PRR5: variants seen among roughly 807,000 people sequenced by gnomAD.
The protein encoded by PRR5 is proline rich 5, also known as proline-rich protein 5.
In PRR5, 25 loss-of-function variants were observed where a neutral mutation model predicts 30.6. That is an observed-to-expected ratio of 0.82 (90% CI 0.60 to 1.14). PRR5 has a LOEUF of 1.14. Ranked by LOEUF, PRR5 falls within the 50% of genes most tolerant of loss-of-function variation. The pLI is 0.00. For synonymous variants in PRR5, 286 were observed against 247.1 expected, an observed-to-expected ratio of 1.16 and a Z score of -1.48; for missense variants, 600 against 547.1, an observed-to-expected ratio of 1.10 and a Z score of -0.96.
chr22:44,674,989 C>T (rs1355443425), upstream of PRR5, among the ~76,000 whole-genome samples: 1 of 144,694 alleles, frequency 6.9e-6, no homozygotes, highest in African/African-American at 2.6e-5. Flanking sequence ...TGGCTCACGC[C>T]TGTAATCCCA....
chr22:44,692,236 C>A (rs896728254), intron 1 of PRR5, among the ~76,000 whole-genome samples: 3 of 141,604 alleles, frequency 2.1e-5, no homozygotes, highest in African/African-American at 7.9e-5. Context: ...CCACCTGGCG[C>A]TCCTCCACCC....
intron 2 of PRR5, among the ~76,000 whole-genome samples, chr22:44,724,868 G>A (rs1042024882): frequency 1.3e-5 from 2 of 152,234 alleles, no homozygotes; most frequent in African/African-American, 4.8e-5. Flanking sequence ...GGAGCCCGTG[G>A]CATCCGGGAT....
At chr22:44,685,977 C>T (rs75308572) in intron 1 of PRR5, among the ~76,000 whole-genome samples, 1,890 of 152,278 alleles carry the variant, frequency 0.012, 39 homozygotes, top group African/African-American at 0.043. Context: ...TATTGGGGCC[C>T]GGCATGGTGG....
chr22:44,668,821 G>C (rs1923238047), intron 1 of PRR5: 2 of 149,176 alleles, frequency 1.3e-5, no homozygotes, highest in Non-Finnish European at 1.5e-5. Flanking sequence ...CGGCGGCTAC[G>C]GGTCCGGAGG....
At chr22:44,725,956 C>T (rs978630890) in intron 3 of PRR5, among the ~76,000 whole-genome samples, 5 of 152,370 alleles carry the variant, frequency 3.3e-5, no homozygotes, top group African/African-American at 9.6e-5. Flanking sequence ...TGAGCCACCG[C>T]GCCCGACCAA....
intron 4 of PRR5, chr22:44,730,846 T>C: frequency 2.2e-6 from 1 of 444,844 alleles, no homozygotes; most frequent in East Asian, 8.8e-5. Flanking sequence ...CACCCTTTCC[T>C]CGGAGGCTCA....
At chr22:44,688,832 A>AC in intron 1 of PRR5, among the ~76,000 whole-genome samples, 1 of 152,242 alleles carries the variant, frequency 6.6e-6, no homozygotes. Flanking sequence ...TCCTAAAAAT[A>AC]CAAAAATTAG....
At chr22:44,686,230 G>A (rs921665419) in intron 1 of PRR5, among the ~76,000 whole-genome samples, 11 of 151,554 alleles carry the variant, frequency 7.3e-5, no homozygotes, top group Admixed American at 1.3e-4. Flanking sequence ...CAGCCTGGGC[G>A]ACAGAGTGAG....
chr22:44,670,254 C>T (rs1177314085), intron 1 of PRR5, among the ~76,000 whole-genome samples: 1 of 152,198 alleles, frequency 6.6e-6, no homozygotes, highest in Non-Finnish European at 1.5e-5. Context: ...GCCCAAGTCC[C>T]CCAGCAGTCA....
intron 1 of PRR5, among the ~76,000 whole-genome samples, chr22:44,683,888 G>T (rs895613551): frequency 1.3e-5 from 2 of 152,258 alleles, no homozygotes; most frequent in Non-Finnish European, 2.9e-5. Flanking sequence ...TGTCATCCTT[G>T]ATAGGGTTCA....
At chr22:44,722,735 C>T (rs1224546036) in intron 2 of PRR5, among the ~76,000 whole-genome samples, 1 of 152,202 alleles carries the variant, frequency 6.6e-6, no homozygotes, top group African/African-American at 2.4e-5. Flanking sequence ...AGAGAGCTGA[C>T]CGGAGCAGGA....
chr22:44,683,760 C>T (rs1432473725), intron 1 of PRR5, among the ~76,000 whole-genome samples: 1 of 152,230 alleles, frequency 6.6e-6, no homozygotes, highest in Non-Finnish European at 1.5e-5. Context: ...CTCTCCTCCC[C>T]ATGGCTCATT....
chr22:44,727,744 C>T (rs1228036752), intron 4 of PRR5, among the ~76,000 whole-genome samples: 1 of 152,208 alleles, frequency 6.6e-6, no homozygotes, highest in African/African-American at 2.4e-5. Flanking sequence ...GACACAGGCC[C>T]GGAGGCCTGG....
In PRR5 at chr22:44,728,111, CCA is replaced by C. The variant is rs1197692650; in HGVS notation, c.322+1478_322+1479del. On this transcript the variant is annotated intron_variant, in intron 4 of 7. Coordinates refer to ENST00000336985, the MANE Select transcript of PRR5 (RefSeq NM_181333.4). ...GCTCTGCGTGGGACAGCCAGGTCTG[CCA>C]GGCCTCCCAGCAGGGGTGCCTGCCC... Among the ~76,000 whole-genome samples, 6 of 152,170 alleles carry C rather than the reference CCA, an allele frequency of 3.9e-5. No individual in the cohort carries two copies. In the East Asian group the frequency reaches 1.2e-3, roughly 29 times the overall value.
intron 1 of PRR5, among the ~76,000 whole-genome samples, chr22:44,681,810 C>T (rs1040302624): frequency 6.6e-6 from 1 of 152,102 alleles, no homozygotes; most frequent in African/African-American, 2.4e-5. Context: ...GTGGGGCTCA[C>T]GGAGGGCTGA....
chr22:44,698,744 CGTTGTAAAAT>C (rs909701881), upstream of PRR5, among the ~76,000 whole-genome samples: 3 of 152,218 alleles, frequency 2.0e-5, no homozygotes, highest in African/African-American at 7.2e-5. Flanking sequence ...TCAATCTCTC[CGTTGTAAAAT>C]GTTGTAAGAT....
At chr22:44,673,642 A>C (rs1923548889), upstream of PRR5, among the ~76,000 whole-genome samples, 1 of 152,116 alleles carries the variant, frequency 6.6e-6, no homozygotes, top group African/African-American at 2.4e-5. Context: ...GATTATTCTC[A>C]ATAACGGGGA....
rs772777832 is a variant in PRR5 at position 44,736,940 on chromosome 22, C to A, written c.860C>A (p.Thr287Lys). The change falls in exon 8 of 8, where the codon ACG becomes AAG. Residue 287 changes from threonine (T) to lysine (K), a missense_variant. Coordinates refer to ENST00000336985, the MANE Select transcript of PRR5 (RefSeq NM_181333.4). Reference sequence around the variant, plus strand: ...CGCAGGCACTCTGTGTCGGAGATGACGTCCTGCCCCGAGCCTCAGGGCTTC... The same window carrying A: ...CGCAGGCACTCTGTGTCGGAGATGAAGTCCTGCCCCGAGCCTCAGGGCTTC... ...SIRRHSVSEM[T>K]SCPEPQGFSD... is the part of the protein sequence containing the mutation. The A allele has an allele frequency of 1.2e-6, 2 of 1,605,844 alleles. No individual in the cohort carries two copies. The highest frequency in any genetic ancestry group is 3.3e-5 in the Admixed American group (2 of 59,858).
intron 1 of PRR5, among the ~76,000 whole-genome samples, chr22:44,713,277 A>T (rs1435309683): frequency 1.3e-5 from 2 of 152,190 alleles, no homozygotes; most frequent in Non-Finnish European, 2.9e-5. Context: ...GCAAGCCAGG[A>T]AGGGGTACGG....
Sources: gnomAD v4.1 joint callset for allele counts (sites outside exome capture counted in the v4.1 genomes callset) on GRCh38, gnomAD v4.1.1 for gene constraint, MANE v1.5 for transcripts, NCBI Gene and HGNC (gene_info 2026-07-23, HGNC 2026-07-21) for gene names.